The following ARB2A variants were observed in gnomAD, a reference collection of about 807,000 sequenced individuals.
ARB2A encodes the protein cotranscriptional regulator ARB2A.
chr5:93,667,992 C>T, the ARB2A span, among the ~76,000 whole-genome samples: 8 of 152,170 alleles, frequency 5.3e-5, no homozygotes, highest in African/African-American at 1.9e-4. Context: ...TAATTTTATA[C>T]AATCTAATCT....
chr5:93,979,825 T>C, the ARB2A span, among the ~76,000 whole-genome samples: 2 of 152,124 alleles, frequency 1.3e-5, no homozygotes, highest in East Asian at 1.9e-4. Context: ...CTCTCTGGTA[T>C]AAAAGTGATA....
chr5:93,741,107 C>G, the ARB2A span: 2 of 1,613,808 alleles, frequency 1.2e-6, no homozygotes, highest in East Asian at 4.5e-5. Flanking sequence ...CCAAACAGAG[C>G]TCCCACAGCG....
the ARB2A span, among the ~76,000 whole-genome samples, chr5:93,855,441 G>A: frequency 1.4e-3 from 212 of 152,238 alleles, 2 homozygotes; most frequent in African/African-American, 4.9e-3. Flanking sequence ...TTTAATTGGA[G>A]CATTTAGCCC....
At chr5:93,787,829 G>C in the ARB2A span, among the ~76,000 whole-genome samples, 1 of 152,108 alleles carries the variant, frequency 6.6e-6, no homozygotes, top group Non-Finnish European at 1.5e-5. Flanking sequence ...TGCCAAGATA[G>C]AAATCAGCCA....
the ARB2A span, among the ~76,000 whole-genome samples, chr5:93,915,957 A>G: frequency 6.6e-6 from 1 of 152,104 alleles, no homozygotes; most frequent in African/African-American, 2.4e-5. Flanking sequence ...TCCAATACAC[A>G]TATCTCTTTA....
chr5:93,889,107 A>G, the ARB2A span, among the ~76,000 whole-genome samples: 2 of 151,770 alleles, frequency 1.3e-5, no homozygotes, highest in Non-Finnish European at 3.0e-5. Context: ...AAAAAAAGGG[A>G]AATGTGAAAA....
the ARB2A span, among the ~76,000 whole-genome samples, chr5:93,792,609 A>G: frequency 1.3e-5 from 2 of 149,850 alleles, no homozygotes; most frequent in Non-Finnish European, 3.0e-5. Context: ...AAACCAAAAA[A>G]CCAAACACGC....
At chr5:94,044,523 A>G in the ARB2A span, among the ~76,000 whole-genome samples, 2 of 152,120 alleles carry the variant, frequency 1.3e-5, no homozygotes, top group Non-Finnish European at 2.9e-5. Context: ...ATAGATCTTC[A>G]TCCCTCTGCA....
chr5:93,756,798 T>C, the ARB2A span, among the ~76,000 whole-genome samples: 4 of 152,020 alleles, frequency 2.6e-5, no homozygotes, highest in Non-Finnish European at 5.9e-5. Context: ...ACTCTGGTAA[T>C]ATGACAAAAC....
At chr5:93,903,149 G>C in the ARB2A span, among the ~76,000 whole-genome samples, 1 of 152,142 alleles carries the variant, frequency 6.6e-6, no homozygotes, top group Non-Finnish European at 1.5e-5. Flanking sequence ...ATGCTTAAAT[G>C]TTTCTTTATA....
chr5:93,901,724 G>A, the ARB2A span, among the ~76,000 whole-genome samples: 1,782 of 152,166 alleles, frequency 0.012, 39 homozygotes, highest in African/African-American at 0.041. Context: ...ACTGGTAGTT[G>A]GAAGATGAGT....
chr5:93,955,512 G>A, the ARB2A span, among the ~76,000 whole-genome samples: 4 of 152,164 alleles, frequency 2.6e-5, no homozygotes, highest in Non-Finnish European at 5.9e-5. Context: ...ATCCATCTAT[G>A]AGAAATTAGG....
the ARB2A span, among the ~76,000 whole-genome samples, chr5:94,014,739 T>C: frequency 2.6e-5 from 4 of 151,266 alleles, no homozygotes; most frequent in South Asian, 8.4e-4. Context: ...AACGGAGAAA[T>C]ACATTTGCTT....
the ARB2A span, among the ~76,000 whole-genome samples, chr5:94,026,038 G>A: frequency 6.6e-6 from 1 of 152,222 alleles, no homozygotes; most frequent in Non-Finnish European, 1.5e-5. Flanking sequence ...TGTGTTGCAA[G>A]CTAGTCCTGC....
At chr5:93,636,564 A>G in the ARB2A span, among the ~76,000 whole-genome samples, 1 of 152,226 alleles carries the variant, frequency 6.6e-6, no homozygotes. Context: ...CAGACATTGA[A>G]TCTGTTGGCT....
the ARB2A span, chr5:93,865,587 C>G: frequency 2.0e-6 from 2 of 985,306 alleles, no homozygotes; most frequent in Non-Finnish European, 2.4e-6. Flanking sequence ...AAAAAGCATA[C>G]GGAAACAATT....
At chr5:93,954,128 G>A in the ARB2A span, among the ~76,000 whole-genome samples, 2 of 152,106 alleles carry the variant, frequency 1.3e-5, no homozygotes, top group South Asian at 2.1e-4. Context: ...CACTATGGCC[G>A]AGCTGGTACC....
the ARB2A span, among the ~76,000 whole-genome samples, chr5:93,811,331 A>G: frequency 6.6e-6 from 1 of 152,144 alleles, no homozygotes; most frequent in Non-Finnish European, 1.5e-5. Flanking sequence ...TTAAATATAA[A>G]TGATTTGGAG....
the ARB2A span, among the ~76,000 whole-genome samples, chr5:94,028,070 G>A: frequency 1.3e-5 from 2 of 152,152 alleles, no homozygotes; most frequent in Non-Finnish European, 2.9e-5. Context: ...TGTTGTAAAA[G>A]CAAAGAAAAA....
Sources: gnomAD v4.1 joint callset for allele counts (sites outside exome capture counted in the v4.1 genomes callset) on GRCh38, gnomAD v4.1.1 for gene constraint, MANE v1.5 for transcripts, NCBI Gene and HGNC (gene_info 2026-07-23, HGNC 2026-07-21) for gene names.